The following FBXO15 variants were observed in gnomAD, a reference collection of about 807,000 sequenced individuals.
FBXO15 encodes F-box protein 15.
A neutral mutation model predicts 49.5 loss-of-function variants in FBXO15; 30 were observed. That is an observed-to-expected ratio of 0.61 (90% CI 0.45 to 0.82). The LOEUF is 0.82. Ranked by LOEUF, FBXO15 falls within the 40% of genes least tolerant of loss-of-function variation. FBXO15 has a pLI of 0.00. For missense variants in FBXO15, 591 were observed against 631.5 expected (o/e 0.94, Z 0.69); for synonymous variants, 250 against 232.7 (o/e 1.07, Z -0.68).
At chr18:74,114,861 C>G (rs1245542557) in intron 8 of FBXO15, among the ~76,000 whole-genome samples, 1 of 152,066 alleles carries the variant, frequency 6.6e-6, no homozygotes. Flanking sequence ...CTTCCCAGTT[C>G]CTTGGAGGAG....
chr18:74,142,713 T>C (rs934474755), intron 1 of FBXO15, among the ~76,000 whole-genome samples: 1 of 152,178 alleles, frequency 6.6e-6, no homozygotes, highest in Non-Finnish European at 1.5e-5. Flanking sequence ...TCATCCAGTA[T>C]GACCTCATCT....
intron 1 of FBXO15, among the ~76,000 whole-genome samples, chr18:74,146,193 TA>T (rs1979399220): frequency 6.6e-6 from 1 of 152,242 alleles, no homozygotes; most frequent in African/African-American, 2.4e-5. Flanking sequence ...CTACACTTCT[TA>T]CAGTTTGTGA....
At chr18:74,091,115 G>C (rs184219626) in intron 8 of FBXO15, among the ~76,000 whole-genome samples, 1 of 152,106 alleles carries the variant, frequency 6.6e-6, no homozygotes, top group East Asian at 1.9e-4. Context: ...TTAGTTCTTC[G>C]TGTTGAATTG....
chr18:74,125,502 A>G (rs927905067), intron 6 of FBXO15, among the ~76,000 whole-genome samples: 1 of 152,232 alleles, frequency 6.6e-6, no homozygotes, highest in East Asian at 1.9e-4. Context: ...AAAGGATAAC[A>G]TCGTAGACAG....
intron 8 of FBXO15, among the ~76,000 whole-genome samples, chr18:74,088,735 G>C (rs1048658803): frequency 6.6e-6 from 1 of 152,174 alleles, no homozygotes; most frequent in Non-Finnish European, 1.5e-5. Context: ...ATCTAATTCT[G>C]TGGAGAATGT....
intron 9 of FBXO15, among the ~76,000 whole-genome samples, chr18:74,080,594 AT>A (rs1173734055): frequency 6.6e-6 from 1 of 152,338 alleles, no homozygotes; most frequent in East Asian, 1.9e-4. Flanking sequence ...TAAAGGTCCA[AT>A]TTTGAAGCCG....
At chr18:74,133,869 A>C (rs1335123061) in intron 3 of FBXO15, among the ~76,000 whole-genome samples, 2 of 152,206 alleles carry the variant, frequency 1.3e-5, no homozygotes, top group African/African-American at 4.8e-5. Context: ...ACTACAAGGA[A>C]GGCACCAAGC....
Position 74,130,422 on chromosome 18 carries a change from G to A in FBXO15, c.569C>T (p.Ala190Val). 6.2e-7 allele frequency: 1 copy of A among 1,614,094 alleles called. No individual in the cohort carries two copies. The highest frequency in any genetic ancestry group is 8.5e-7 in the Non-Finnish European group (1 of 1,179,972). The change falls in exon 4 of 10, where the codon GCC (alanine) becomes GTC (valine). Residue 190 changes from alanine (A) to valine (V), a missense_variant. Physicochemically the swap from Ala to Val is moderately conservative, Grantham distance 64. Transcript: ENST00000419743. ...TTTGGAACACACTGCGTACCTGAGG[G>A]CCTCTTTGGTCTTAACTGGAAGGCC... ...YTGLPVKTKE[A>V]LRIFGLGWAI...
At chr18:74,088,858 G>C (rs1912874395) in intron 8 of FBXO15, among the ~76,000 whole-genome samples, 1 of 151,986 alleles carries the variant, frequency 6.6e-6, no homozygotes, top group Non-Finnish European at 1.5e-5. Context: ...TTCCATTTGT[G>C]TCATCCTGAA....
chr18:74,087,753 T>C (rs1912812627), intron 8 of FBXO15, among the ~76,000 whole-genome samples: 1 of 152,238 alleles, frequency 6.6e-6, no homozygotes, highest in South Asian at 2.1e-4. Flanking sequence ...CTAGGTCAAA[T>C]GGTAATTCTC....
intron 3 of FBXO15, 63 bp from the exon 4 acceptor site, chr18:74,130,721 A>G (rs1568178438): frequency 1.3e-6 from 2 of 1,501,438 alleles, no homozygotes; most frequent in Non-Finnish European, 1.8e-6. Context: ...GTCATAATAT[A>G]TCAAATTAGA....
At chr18:74,111,641 GC>G (rs1284155094) in intron 8 of FBXO15, among the ~76,000 whole-genome samples, 2 of 151,478 alleles carry the variant, frequency 1.3e-5, no homozygotes, top group African/African-American at 4.9e-5. Flanking sequence ...AAAAATGTGA[GC>G]AAATTAAATC....
rs1978316221 is a variant in FBXO15, at chr18:74,129,748, T to C, written c.576-134A>G. ...GTCAAAATTCTCAGAATGTGCCCAGTATAATTTTCACTTCAACAATAGTAC... is the reference window on the plus strand; with the variant it reads ...GTCAAAATTCTCAGAATGTGCCCAGCATAATTTTCACTTCAACAATAGTAC... On this transcript the variant is annotated intron_variant, in intron 4 of 9. Transcript: ENST00000419743. 5.7e-6 allele frequency: 4 copies of C among 707,862 alleles called. No individual in the cohort carries two copies. In the South Asian group the frequency reaches 5.8e-5, roughly 10 times the overall value. The allele number at this position is 707,862 out of a possible 1,614,324, so 43.8% of individuals were successfully genotyped here. A position where few individuals can be genotyped will look rare whatever the true frequency, so the allele number is the denominator to read the frequency against.
chr18:74,077,002 C>T (rs977882733), intron 9 of FBXO15, among the ~76,000 whole-genome samples: 4 of 152,204 alleles, frequency 2.6e-5, no homozygotes, highest in Admixed American at 2.6e-4. Context: ...ACTCTCATCT[C>T]AACTGACCAT....
At chr18:74,133,848 C>T (rs1021575227) in intron 3 of FBXO15, among the ~76,000 whole-genome samples, 5 of 152,142 alleles carry the variant, frequency 3.3e-5, no homozygotes, top group African/African-American at 1.2e-4. Flanking sequence ...ACAACCAGCT[C>T]TAGAGCAAGA....
intron 7 of FBXO15, among the ~76,000 whole-genome samples, chr18:74,123,946 C>T (rs1464041694): frequency 6.7e-6 from 1 of 150,360 alleles, no homozygotes; most frequent in African/African-American, 2.5e-5. Flanking sequence ...AACATGACTA[C>T]GTAAGGTGAC....
intron 8 of FBXO15, among the ~76,000 whole-genome samples, chr18:74,087,018 A>G (rs917161058): frequency 2.6e-5 from 4 of 152,390 alleles, no homozygotes; most frequent in South Asian, 4.1e-4. Flanking sequence ...CAATGCATAT[A>G]AAAGTTATGT....
At chr18:74,140,142 T>C in intron 2 of FBXO15, 60 bp downstream of exon 2, 1 of 1,402,666 alleles carries the variant, frequency 7.1e-7, no homozygotes, top group Non-Finnish European at 9.7e-7. Context: ...CATCATAACT[T>C]TCTCTAATAA....
At chr18:74,113,813 C>T (rs1914126020) in intron 8 of FBXO15, among the ~76,000 whole-genome samples, 2 of 152,224 alleles carry the variant, frequency 1.3e-5, no homozygotes, top group East Asian at 1.9e-4. Context: ...TTTCTTCATA[C>T]TTTGCATTGC....
Sources: gnomAD v4.1 joint callset for allele counts (sites outside exome capture counted in the v4.1 genomes callset) on GRCh38, gnomAD v4.1.1 for gene constraint, MANE v1.5 for transcripts, NCBI Gene and HGNC (gene_info 2026-07-23, HGNC 2026-07-21) for gene names.